The following CPS1 variants were observed in gnomAD, a reference collection of about 807,000 sequenced individuals.
The protein encoded by CPS1 is carbamoyl-phosphate synthase 1, also known as carbamoyl-phosphate synthase [ammonia], mitochondrial.
CPS1 carries 109 observed loss-of-function variants against 174.6 expected under a neutral mutation model. That is an observed-to-expected ratio of 0.62 (90% CI 0.53 to 0.73). The LOEUF (loss-of-function observed/expected upper bound fraction) is 0.73, where lower values mean the gene tolerates loss of function less well. Ranked by LOEUF, CPS1 falls within the 30% of genes least tolerant of loss-of-function variation. CPS1 has a pLI of 0.00. For missense variants in CPS1, 1,689 were observed against 1,821.9 expected (o/e 0.93, Z 1.33); for synonymous variants, 637 against 632.0 (o/e 1.01, Z -0.12).
At chr2:210,595,621 C>A (rs763178499) in intron 13 of CPS1, 39 bp downstream of exon 13, 6 of 1,280,616 alleles carry the variant, frequency 4.7e-6, no homozygotes, top group Non-Finnish European at 6.8e-6. Flanking sequence ...AATATGCTTC[C>A]TTTAATGAGT....
chr2:210,577,120 CATTAAGCCAGTAATTATTA>C, intron 3 of CPS1: 2 of 405,022 alleles, frequency 4.9e-6, no homozygotes, highest in South Asian at 5.2e-5. Flanking sequence ...TCATCATGTG[CATTAAGCCAGTAATTATTA>C]ATTAAATTCT....
chr2:210,493,828 A>G (rs1574465505), intron 1 of CPS1, among the ~76,000 whole-genome samples: 1 of 152,210 alleles, frequency 6.6e-6, no homozygotes. Flanking sequence ...TCTCATTTAC[A>G]GCACTGTCAT....
At chr2:210,508,853 A>G (rs983343175) in intron 1 of CPS1, among the ~76,000 whole-genome samples, 2 of 152,322 alleles carry the variant, frequency 1.3e-5, no homozygotes, top group African/African-American at 2.4e-5. Context: ...CTCTGAATAG[A>G]CCGATAACAG....
Position 210,594,574 on chromosome 2 carries a change from C to T in CPS1, c.1231C>T (p.Pro411Ser). Residue 411 changes from proline (P) to serine (S), a missense_variant, in exon 12 of 38, where the codon CCG becomes TCG. Pro to Ser is a moderately conservative substitution (Grantham distance 74). Transcript: ENST00000233072. ...AGCTACCACCATTACATCAGTCTTACCGAAGCCAGCACTAGTTGCATCTCG... is the reference window on the plus strand; with the variant it reads ...AGCTACCACCATTACATCAGTCTTATCGAAGCCAGCACTAGTTGCATCTCG... Reference protein sequence around the residue: ...GKATTITSVLPKPALVASRVE... With the variant: ...GKATTITSVLSKPALVASRVE... 6.2e-7 allele frequency: 1 copy of T among 1,611,236 alleles called. No homozygotes were observed. Among genetic ancestry groups the T allele is most frequent in the Non-Finnish European group, 8.5e-7 (1 of 1,178,234 alleles).
intron 1 of CPS1, among the ~76,000 whole-genome samples, chr2:210,572,088 C>T (rs1195502165): frequency 1.3e-5 from 2 of 151,768 alleles, no homozygotes; most frequent in Non-Finnish European, 2.9e-5. Flanking sequence ...TCAGGAAATT[C>T]GACTCATGGC....
At chr2:210,484,471 G>A (rs1694661639) in intron 1 of CPS1, among the ~76,000 whole-genome samples, 1 of 152,150 alleles carries the variant, frequency 6.6e-6, no homozygotes, top group Non-Finnish European at 1.5e-5. Context: ...TAGAACTGAT[G>A]TTTATGATTT....
At chr2:210,675,914 C>A in intron 36 of CPS1, 74 bp downstream of exon 36, 1 of 796,974 alleles carries the variant, frequency 1.3e-6, no homozygotes, top group Non-Finnish European at 2.3e-6. Flanking sequence ...GAATATTTCA[C>A]CTTACTTGAT....
chr2:210,675,563 T>A (rs796220356), intron 35 of CPS1, among the ~76,000 whole-genome samples, 165 bp from the exon 36 acceptor site: 15 of 152,350 alleles, frequency 9.8e-5, no homozygotes, highest in African/African-American at 3.6e-4. Context: ...ATAAAAAATG[T>A]TTAAAGTGCC....
chr2:210,605,351 T>C, intron 17 of CPS1, 105 bp downstream of exon 17: 1 of 1,224,042 alleles, frequency 8.2e-7, no homozygotes, highest in Admixed American at 1.7e-5. Flanking sequence ...TATTTCTAGT[T>C]GACAGACTAG....
At chr2:210,584,186 C>T (rs192686557) in intron 6 of CPS1, among the ~76,000 whole-genome samples, 6 of 152,202 alleles carry the variant, frequency 3.9e-5, no homozygotes, top group Admixed American at 3.9e-4. Context: ...GCTTCTCTTT[C>T]CTAGGACTAT....
At position 210,577,407 on chromosome 2, in the gene CPS1, G is replaced by T; in HGVS notation, c.382-14G>T. ...TTGTGATAACCTCTTTAAAATGACT[G>T]TCTGTCTTTCTAGGTTTCAGGTTTG... On this transcript the variant is annotated splice_polypyrimidine_tract_variant and intron_variant, in intron 3 of 37. Coordinates refer to ENST00000233072, the MANE Select transcript of CPS1 (RefSeq NM_001875.5). 8 of 1,599,336 alleles carry T rather than the reference G, an allele frequency of 5.0e-6. No individual in the cohort carries two copies. Among genetic ancestry groups the T allele is most frequent in the Non-Finnish European group, 6.9e-6 (8 of 1,166,708 alleles).
At chr2:210,550,122 G>A (rs1041444927) in intron 1 of CPS1, among the ~76,000 whole-genome samples, 27 of 151,978 alleles carry the variant, frequency 1.8e-4, no homozygotes, top group Non-Finnish European at 2.4e-4. Context: ...CTTTATTTCC[G>A]TATTACCTTA....
At chr2:210,572,107 T>C (rs185508191) in intron 1 of CPS1, among the ~76,000 whole-genome samples, 35 of 152,102 alleles carry the variant, frequency 2.3e-4, no homozygotes, top group African/African-American at 7.0e-4. Context: ...GCCAGACTTC[T>C]TTTCTCTATA....
At chr2:210,502,545 T>C in intron 1 of CPS1, among the ~76,000 whole-genome samples, 2 of 150,316 alleles carry the variant, frequency 1.3e-5, no homozygotes, top group Non-Finnish European at 3.0e-5. Flanking sequence ...ACATATAATG[T>C]TAAAAAGCAT....
chr2:210,482,005 C>T (rs762368377), intron 1 of CPS1, among the ~76,000 whole-genome samples: 2 of 152,212 alleles, frequency 1.3e-5, no homozygotes, highest in Non-Finnish European at 2.9e-5. Flanking sequence ...GCTTCTTATA[C>T]ATCATCACAA....
chr2:210,497,916 A>ATATATATATATATATATATATATATC (rs1553718852), intron 1 of CPS1, among the ~76,000 whole-genome samples: 1 of 140,612 alleles, frequency 7.1e-6, no homozygotes, highest in Non-Finnish European at 1.5e-5. Context: ...ATATATATAT[A>ATATATATATATATATATATATATATC]TATCTCCAGT....
At chr2:210,495,249 T>A (rs986108373) in intron 1 of CPS1, among the ~76,000 whole-genome samples, 1 of 152,172 alleles carries the variant, frequency 6.6e-6, no homozygotes, top group Non-Finnish European at 1.5e-5. Context: ...AACCTCTTAT[T>A]TGTAGGTCAT....
At chr2:210,565,385 G>C (rs1697269713) in intron 1 of CPS1, among the ~76,000 whole-genome samples, 1 of 152,032 alleles carries the variant, frequency 6.6e-6, no homozygotes, top group East Asian at 1.9e-4. Context: ...ATACGTGTAG[G>C]CTCCAGACTA....
At chr2:210,606,628 C>CT (rs1489810394) in intron 17 of CPS1, 103 bp from the exon 18 acceptor site, 1 of 1,080,408 alleles carries the variant, frequency 9.3e-7, no homozygotes, top group East Asian at 2.4e-5. Flanking sequence ...CCAACAAACC[C>CT]TCAGACTGTT....
Sources: gnomAD v4.1 joint callset for allele counts (sites outside exome capture counted in the v4.1 genomes callset) on GRCh38, gnomAD v4.1.1 for gene constraint, MANE v1.5 for transcripts, NCBI Gene and HGNC (gene_info 2026-07-23, HGNC 2026-07-21) for gene names.